The following FAM135A variants were observed in gnomAD, a reference collection of about 807,000 sequenced individuals.
The protein encoded by FAM135A is protein FAM135A.
In FAM135A, 79 loss-of-function variants were observed where a neutral mutation model predicts 146.8. The ratio of observed to expected loss-of-function variants is 0.54; its 90% CI spans 0.45 to 0.65. The LOEUF (loss-of-function observed/expected upper bound fraction) is 0.65, where lower values mean the gene tolerates loss of function less well. Among genes scored for constraint, FAM135A ranks in the 30% least tolerant of loss-of-function variants. The pLI, the probability that FAM135A is intolerant of heterozygous loss-of-function variation, is 0.00. For synonymous variants in FAM135A, 562 were observed against 603.6 expected, an observed-to-expected ratio of 0.93 and a Z score of 1.01; for missense variants, 1,623 against 1,758.2, an observed-to-expected ratio of 0.92 and a Z score of 1.38.
intron 11 of FAM135A, among the ~76,000 whole-genome samples, chr6:70,491,979 T>C (rs532523573): frequency 2.0e-5 from 3 of 151,922 alleles, no homozygotes; most frequent in African/African-American, 7.2e-5. Context: ...CAGTCAATCA[T>C]TTTAATGAGT....
At chr6:70,472,945 G>A (rs1562481686) in intron 5 of FAM135A, among the ~76,000 whole-genome samples, 1 of 152,002 alleles carries the variant, frequency 6.6e-6, no homozygotes, top group Non-Finnish European at 1.5e-5. Flanking sequence ...TCTTAATTAA[G>A]GTGCTCTCTT....
At chr6:70,416,188 C>A (rs1055359643) in intron 2 of FAM135A, among the ~76,000 whole-genome samples, 22 of 152,146 alleles carry the variant, frequency 1.4e-4, no homozygotes, top group African/African-American at 5.3e-4. Flanking sequence ...AGCAGCAGTT[C>A]TAATGTACTA....
At chr6:70,493,336 GA>G (rs1337603071) in intron 11 of FAM135A, among the ~76,000 whole-genome samples, 1 of 151,980 alleles carries the variant, frequency 6.6e-6, no homozygotes, top group East Asian at 1.9e-4. Context: ...CAGTAATACA[GA>G]AAAAAAGTGG....
At chr6:70,493,959 A>G (rs567795017) in intron 11 of FAM135A, among the ~76,000 whole-genome samples, 1 of 150,554 alleles carries the variant, frequency 6.6e-6, no homozygotes, top group African/African-American at 2.4e-5. Context: ...AGGCTGAGTC[A>G]GGGAGATTTG....
chr6:70,432,136 G>T (rs970152394), intron 4 of FAM135A, among the ~76,000 whole-genome samples: 11 of 152,036 alleles, frequency 7.2e-5, no homozygotes, highest in African/African-American at 2.2e-4. Flanking sequence ...GGATAGAAAT[G>T]TAATAACTTA....
At chr6:70,542,537 C>A (rs925128894) in intron 20 of FAM135A, among the ~76,000 whole-genome samples, 1 of 152,100 alleles carries the variant, frequency 6.6e-6, no homozygotes, top group Admixed American at 6.5e-5. Context: ...TCGCTGTATA[C>A]CTTTGGGGTT....
intron 8 of FAM135A, among the ~76,000 whole-genome samples, chr6:70,478,792 G>A (rs754892548): frequency 6.6e-6 from 1 of 151,980 alleles, no homozygotes; most frequent in Non-Finnish European, 1.5e-5. Context: ...TTGAGAGGTC[G>A]TGCTAAGTTA....
intron 8 of FAM135A, among the ~76,000 whole-genome samples, chr6:70,479,895 C>T (rs1380345325): frequency 6.6e-6 from 1 of 152,046 alleles, no homozygotes; most frequent in Non-Finnish European, 1.5e-5. Flanking sequence ...TTAAGTACAA[C>T]TTTTATGACA....
chr6:70,465,024 T>C (rs73476892), intron 5 of FAM135A, among the ~76,000 whole-genome samples: 6,932 of 151,634 alleles, frequency 0.046, 351 homozygotes, highest in African/African-American at 0.11. Flanking sequence ...TCTATACCAT[T>C]GAACAGCAAC....
intron 2 of FAM135A, among the ~76,000 whole-genome samples, chr6:70,420,446 G>A (rs1768561682): frequency 1.3e-5 from 2 of 152,172 alleles, no homozygotes; most frequent in African/African-American, 2.4e-5. Context: ...GTGCAGGAAC[G>A]TCTCCCACAT....
intron 9 of FAM135A, 147 bp downstream of exon 9, chr6:70,481,174 T>C: frequency 1.3e-6 from 1 of 747,486 alleles, no homozygotes; most frequent in Non-Finnish European, 2.0e-6. Context: ...AAAAATTGTT[T>C]GGTTCTAATT....
At chr6:70,439,538 T>C (rs576799343) in intron 4 of FAM135A, among the ~76,000 whole-genome samples, 1 of 152,344 alleles carries the variant, frequency 6.6e-6, no homozygotes, top group East Asian at 1.9e-4. Flanking sequence ...GGGATTTATC[T>C]TTTTCATTTT....
intron 10 of FAM135A, among the ~76,000 whole-genome samples, chr6:70,490,579 C>A (rs1236304390): frequency 2.6e-5 from 4 of 151,860 alleles, no homozygotes; most frequent in Non-Finnish European, 5.9e-5. Flanking sequence ...AGCCTACACA[C>A]CAGGTATGTT....
At position 70,536,431 on chromosome 6, in the gene FAM135A, T is replaced by TGTATTAAAAATATGGAATA; in HGVS notation, c.4117+22_4117+40dup. On this transcript the variant is annotated intron_variant, in intron 19 of 21. Transcript: ENST00000418814. ...ATACAGGTAAAAAGTTTTATTGTTC[T>TGTATTAAAAATATGGAATA]GTATTAAAAATATGGAATAGGGAGA... 6.4e-7 allele frequency: 1 copy of TGTATTAAAAATATGGAATA among 1,560,720 alleles called. No homozygotes were observed. Among genetic ancestry groups the TGTATTAAAAATATGGAATA allele is most frequent in the Non-Finnish European group, 8.6e-7 (1 of 1,158,358 alleles).
At chr6:70,480,879 A>T (rs748137586) in intron 8 of FAM135A, 22 bp from the exon 9 acceptor site, 1 of 1,595,748 alleles carries the variant, frequency 6.3e-7, no homozygotes, top group African/African-American at 1.4e-5. Context: ...TGACAATAAT[A>T]ATGTAATACT....
intron 21 of FAM135A, among the ~76,000 whole-genome samples, chr6:70,558,885 A>C (rs1337764471): frequency 3.3e-5 from 5 of 152,200 alleles, no homozygotes; most frequent in Admixed American, 3.3e-4. Flanking sequence ...CCTATAGACC[A>C]AACAGAAGAT....
At chr6:70,414,117 G>T (rs767945305) in intron 1 of FAM135A, 119 of 880,096 alleles carry the variant, frequency 1.4e-4, no homozygotes, top group Non-Finnish European at 1.6e-4. Context: ...CTTTTTGCCC[G>T]GGTGGTCCCT....
intron 4 of FAM135A, among the ~76,000 whole-genome samples, chr6:70,433,319 C>T (rs946879681): frequency 6.6e-6 from 1 of 152,018 alleles, no homozygotes; most frequent in East Asian, 1.9e-4. Context: ...CATGATCCGC[C>T]CGCCTCGGCG....
intron 20 of FAM135A, among the ~76,000 whole-genome samples, chr6:70,555,112 T>G (rs980118359): frequency 6.6e-6 from 1 of 152,164 alleles, no homozygotes; most frequent in African/African-American, 2.4e-5. Flanking sequence ...TGCTTGGTTT[T>G]CCAGAGACTT....
Sources: gnomAD v4.1 joint callset for allele counts (sites outside exome capture counted in the v4.1 genomes callset) on GRCh38, gnomAD v4.1.1 for gene constraint, MANE v1.5 for transcripts, NCBI Gene and HGNC (gene_info 2026-07-23, HGNC 2026-07-21) for gene names.